Variants in PTPRO observed in about 807,000 individuals in gnomAD.
PTPRO encodes the protein receptor-type tyrosine-protein phosphatase O.
In PTPRO, 62 loss-of-function variants were observed where a neutral mutation model predicts 145.2. The observed-to-expected ratio is 0.43, with a 90% CI of 0.35 to 0.53. The LOEUF (loss-of-function observed/expected upper bound fraction) is 0.53. Ranked by LOEUF, PTPRO falls within the 20% of genes least tolerant of loss-of-function variation. The pLI is 0.01. For missense variants in PTPRO, 1,345 were observed against 1,482.7 expected (o/e 0.91, Z 1.53); for synonymous variants, 565 against 514.7 (o/e 1.10, Z -1.32).
chr12:15,469,400 A>G (rs1941488222), intron 1 of PTPRO, among the ~76,000 whole-genome samples: 1 of 152,228 alleles, frequency 6.6e-6, no homozygotes, highest in Non-Finnish European at 1.5e-5. Flanking sequence ...AAATTATGCC[A>G]GAAGAATGTT....
intron 7 of PTPRO, among the ~76,000 whole-genome samples, chr12:15,513,750 G>T (rs1168816790): frequency 6.6e-6 from 1 of 151,954 alleles, no homozygotes; most frequent in African/African-American, 2.4e-5. Flanking sequence ...TATCCAAAAG[G>T]CCAAAAAGTT....
At chr12:15,539,480 G>A (rs1009302551) in intron 12 of PTPRO, among the ~76,000 whole-genome samples, 5 of 152,032 alleles carry the variant, frequency 3.3e-5, no homozygotes, top group African/African-American at 9.7e-5. Context: ...TATAGGTAAG[G>A]CTGGGCACAG....
At chr12:15,372,195 T>C (rs1157378435) in intron 1 of PTPRO, among the ~76,000 whole-genome samples, 1 of 152,196 alleles carries the variant, frequency 6.6e-6, no homozygotes, top group Non-Finnish European at 1.5e-5. Context: ...ATACCCCTAA[T>C]GAATCATTTA....
intron 1 of PTPRO, among the ~76,000 whole-genome samples, chr12:15,399,719 A>G (rs1939436820): frequency 6.6e-6 from 1 of 152,092 alleles, no homozygotes; most frequent in African/African-American, 2.4e-5. Flanking sequence ...ATTTAGAGGT[A>G]AGAAGTGTTT....
intron 1 of PTPRO, chr12:15,346,584 G>A (rs975338365): frequency 1.3e-5 from 2 of 152,146 alleles, no homozygotes; most frequent in Admixed American, 6.5e-5. Context: ...TGACTTTGTC[G>A]ACTAGAAGAT....
chr12:15,472,648 T>A (rs1200412607), intron 1 of PTPRO, among the ~76,000 whole-genome samples: 5 of 152,208 alleles, frequency 3.3e-5, no homozygotes, highest in African/African-American at 4.8e-5. Flanking sequence ...CTTGTCTACA[T>A]GTCCGTGGCA....
intron 1 of PTPRO, among the ~76,000 whole-genome samples, chr12:15,362,885 T>C (rs897191963): frequency 2.0e-5 from 3 of 152,246 alleles, no homozygotes; most frequent in Non-Finnish European, 2.9e-5. Flanking sequence ...TACAGATTAA[T>C]AGATCCACAA....
At chr12:15,325,612 G>A (rs1866424026) in intron 1 of PTPRO, among the ~76,000 whole-genome samples, 1 of 152,198 alleles carries the variant, frequency 6.6e-6, no homozygotes, top group East Asian at 1.9e-4. Context: ...AGTCTTCTAT[G>A]GATGAATGCA....
At chr12:15,342,975 C>T (rs146148403) in intron 1 of PTPRO, among the ~76,000 whole-genome samples, 5 of 152,086 alleles carry the variant, frequency 3.3e-5, no homozygotes, top group African/African-American at 1.2e-4. Context: ...CATTTAGGCA[C>T]AAGCTGGGAT....
At chr12:15,400,463 A>C (rs1433292483) in intron 1 of PTPRO, among the ~76,000 whole-genome samples, 5 of 152,216 alleles carry the variant, frequency 3.3e-5, no homozygotes, top group African/African-American at 7.2e-5. Flanking sequence ...TTCCCATGTC[A>C]GTGGCTCTGC....
intron 1 of PTPRO, among the ~76,000 whole-genome samples, chr12:15,350,478 A>C (rs947390969): frequency 1.3e-5 from 2 of 152,200 alleles, no homozygotes; most frequent in African/African-American, 4.8e-5. Context: ...TCAATCAGTC[A>C]ATTAGCAGAT....
chr12:15,423,353 A>C (rs1591798440), intron 1 of PTPRO, among the ~76,000 whole-genome samples: 1 of 152,226 alleles, frequency 6.6e-6, no homozygotes, highest in East Asian at 1.9e-4. Context: ...TATGTTTTAC[A>C]AAGTGTTAAG....
chr12:15,557,412 T>G (rs1943662215), intron 15 of PTPRO, 43 bp from the exon 16 acceptor site: 1 of 1,528,778 alleles, frequency 6.5e-7, no homozygotes, highest in Non-Finnish European at 9.1e-7. Flanking sequence ...GTAAGAATGC[T>G]TTGTCAAGCA....
chr12:15,509,878 C>T (rs1048090627), intron 7 of PTPRO, among the ~76,000 whole-genome samples: 1 of 151,932 alleles, frequency 6.6e-6, no homozygotes, highest in African/African-American at 2.4e-5. Flanking sequence ...AGAACAAACC[C>T]TAGTGAAACT....
intron 1 of PTPRO, among the ~76,000 whole-genome samples, chr12:15,470,542 C>T (rs1412922223): frequency 3.9e-5 from 6 of 152,146 alleles, no homozygotes; most frequent in Non-Finnish European, 8.8e-5. Context: ...AGGTTGAATT[C>T]TTTCCTCAAG....
intron 1 of PTPRO, among the ~76,000 whole-genome samples, chr12:15,376,448 A>T (rs897263879): frequency 3.3e-5 from 5 of 152,240 alleles, no homozygotes; most frequent in Non-Finnish European, 5.9e-5. Flanking sequence ...TGCAAGATTT[A>T]CTAAAGGGAG....
intron 1 of PTPRO, among the ~76,000 whole-genome samples, chr12:15,368,126 C>T (rs1319245476): frequency 2.0e-5 from 3 of 152,136 alleles, no homozygotes; most frequent in Admixed American, 6.6e-5. Context: ...TGGACTCCTC[C>T]GTGTTCTCCT....
At chr12:15,534,679 C>T (rs140967491) in intron 12 of PTPRO, among the ~76,000 whole-genome samples, 16 of 152,280 alleles carry the variant, frequency 1.1e-4, no homozygotes, top group African/African-American at 2.6e-4. Context: ...ACAGAGGGAA[C>T]AGGCAGGCCT....
intron 10 of PTPRO, among the ~76,000 whole-genome samples, chr12:15,520,522 C>CAAAATGA (rs1942693435): frequency 1.3e-5 from 2 of 152,166 alleles, no homozygotes; most frequent in Non-Finnish European, 2.9e-5. Flanking sequence ...TGTGTTACCA[C>CAAAATGA]CGTTGACTTA....
Sources: gnomAD v4.1 joint callset for allele counts (sites outside exome capture counted in the v4.1 genomes callset) on GRCh38, gnomAD v4.1.1 for gene constraint, MANE v1.5 for transcripts, NCBI Gene and HGNC (gene_info 2026-07-23, HGNC 2026-07-21) for gene names.